Variants in IPO11 observed in about 807,000 individuals in gnomAD.
IPO11 encodes importin-11.
A neutral mutation model predicts 143.2 loss-of-function variants in IPO11; 66 were observed. The observed-to-expected ratio is 0.46, with a 90% confidence interval of 0.38 to 0.57. The LOEUF is 0.57. IPO11 is among the 20% of genes least tolerant of loss of function. IPO11 has a pLI of 0.00. For missense variants in IPO11, 1,026 were observed against 1,141.0 expected (o/e 0.90, Z 1.45); for synonymous variants, 385 against 377.8 (o/e 1.02, Z -0.22).
At chr5:62,563,617 G>A (rs528709943) in intron 27 of IPO11, among the ~76,000 whole-genome samples, 157 of 152,158 alleles carry the variant, frequency 1.0e-3, no homozygotes, top group African/African-American at 3.6e-3. Flanking sequence ...TATATAACAA[G>A]ATATTTTGGG....
intron 26 of IPO11, among the ~76,000 whole-genome samples, chr5:62,556,878 C>T (rs1743593100): frequency 6.6e-6 from 1 of 152,072 alleles, no homozygotes; most frequent in Non-Finnish European, 1.5e-5. Context: ...ACTCCTTCCA[C>T]CCCCAGATTC....
At chr5:62,426,820 T>TTA (rs1554046624) in intron 1 of IPO11, among the ~76,000 whole-genome samples, 2 of 148,998 alleles carry the variant, frequency 1.3e-5, no homozygotes, top group African/African-American at 4.9e-5. Context: ...TTTTATTTTT[T>TTA]TATATATATT....
intron 2 of IPO11, among the ~76,000 whole-genome samples, chr5:62,442,396 C>G (rs1443235679): frequency 6.6e-6 from 1 of 152,118 alleles, no homozygotes; most frequent in Non-Finnish European, 1.5e-5. Flanking sequence ...AATTTTCAAA[C>G]ACACCTTAAA....
At chr5:62,421,365 T>C (rs1743509308) in intron 1 of IPO11, among the ~76,000 whole-genome samples, 1 of 152,248 alleles carries the variant, frequency 6.6e-6, no homozygotes. Flanking sequence ...TCTTCAGTTC[T>C]GATGTAGTAT....
chr5:62,430,870 G>T (rs1396172092), intron 1 of IPO11, among the ~76,000 whole-genome samples: 1 of 149,634 alleles, frequency 6.7e-6, no homozygotes, highest in Non-Finnish European at 1.5e-5. Context: ...TAGAAATGGG[G>T]TTTCACCATG....
chr5:62,413,968 A>G (rs1424308837), intron 1 of IPO11, among the ~76,000 whole-genome samples: 1 of 152,142 alleles, frequency 6.6e-6, no homozygotes, highest in Non-Finnish European at 1.5e-5. Flanking sequence ...TGGGACTGGT[A>G]TTTTCTCTGT....
chr5:62,498,546 G>A (rs1369562872), intron 16 of IPO11, among the ~76,000 whole-genome samples: 2 of 152,166 alleles, frequency 1.3e-5, no homozygotes, highest in Admixed American at 1.3e-4. Flanking sequence ...AGGCTGTAGG[G>A]TTTCTGAACT....
At chr5:62,595,565 C>G (rs1176993528) in intron 28 of IPO11, among the ~76,000 whole-genome samples, 1 of 152,110 alleles carries the variant, frequency 6.6e-6, no homozygotes, top group Non-Finnish European at 1.5e-5. Flanking sequence ...AATGATCCCT[C>G]TTTTTTTAAA....
At chr5:62,418,839 T>G in intron 1 of IPO11, 1 of 646,962 alleles carries the variant, frequency 1.5e-6, no homozygotes, top group Non-Finnish European at 2.5e-6. Context: ...AACCTAGTCC[T>G]TTGTCTCCTT....
chr5:62,526,639 A>C, intron 21 of IPO11: 1 of 175,474 alleles, frequency 5.7e-6, no homozygotes. Flanking sequence ...TTAGCTCCAA[A>C]TGCTAATGCG....
In IPO11 at chr5:62,601,757, A is replaced by G. The variant is rs747795446; in HGVS notation, c.2679-7A>G. ...TTTAAAACATGTTTTTTAAAAAATT[A>G]TTATAGCTGTATGTTGATGTCTCAT... On this transcript the variant is annotated splice_region_variant and splice_polypyrimidine_tract_variant and intron_variant, in intron 28 of 29. Transcript: ENST00000325324. 3 of 1,491,430 alleles carry G rather than the reference A, an allele frequency of 2.0e-6. No homozygotes were observed. The highest frequency in any genetic ancestry group is 2.7e-6 in the Non-Finnish European group (3 of 1,109,762). The allele number at this position is 1,491,430 out of a possible 1,614,324, so 92.4% of individuals were successfully genotyped here. A position where few individuals can be genotyped will look rare whatever the true frequency, so the allele number is the denominator to read the frequency against.
At chr5:62,546,211 A>G (rs950846398) in intron 24 of IPO11, among the ~76,000 whole-genome samples, 14 of 152,324 alleles carry the variant, frequency 9.2e-5, no homozygotes, top group African/African-American at 3.1e-4. Context: ...ATGTCCATCT[A>G]TGATAGACTG....
At chr5:62,513,837 G>A (rs1741890461) in intron 19 of IPO11, among the ~76,000 whole-genome samples, 1 of 149,540 alleles carries the variant, frequency 6.7e-6, no homozygotes. Flanking sequence ...TTCTCAGACG[G>A]GGCGGTTGCC....
At chr5:62,617,894 A>C (rs1209202553) in intron 29 of IPO11, among the ~76,000 whole-genome samples, 1 of 152,100 alleles carries the variant, frequency 6.6e-6, no homozygotes, top group Non-Finnish European at 1.5e-5. Context: ...TCTTCCCCAC[A>C]GCCTTCTGTA....
chr5:62,505,006 A>G, intron 18 of IPO11, 108 bp downstream of exon 18: 1 of 578,506 alleles, frequency 1.7e-6, no homozygotes, highest in African/African-American at 1.9e-5. Flanking sequence ...TTAAAGTTGA[A>G]TTTAAAAGTA....
Position 62,437,378 on chromosome 5 carries a change from G to A in IPO11, c.99G>A (p.Lys33=), listed in dbSNP as rs1744279267. 6.2e-7 allele frequency: 1 copy of A among 1,612,390 alleles called. No homozygotes were observed. Among genetic ancestry groups the A allele is most frequent in the South Asian group, 1.1e-5 (1 of 90,730 alleles). The change falls in exon 2 of 30, where the codon AAG becomes AAA. Residue 33 remains lysine (K), a synonymous_variant. Coordinates refer to ENST00000325324, the MANE Select transcript of IPO11 (RefSeq NM_016338.5). ...AVLKPAEEQL[K]QWETQPGFYS... ...TAAAACCAGCTGAGGAGCAGTTGAA[G>A]CAGTGGGAGACACAGCCAGGTTTCT...
intron 16 of IPO11, among the ~76,000 whole-genome samples, chr5:62,500,287 A>G (rs1741305179): frequency 6.6e-6 from 1 of 152,204 alleles, no homozygotes; most frequent in Non-Finnish European, 1.5e-5. Flanking sequence ...TTTCAAAAAA[A>G]GAAACAACAA....
rs1355911922 is a variant in IPO11 at position 62,424,330 on chromosome 5, G to A, written c.-7+11401G>A. On this transcript the variant is annotated intron_variant, in intron 1 of 29. Transcript: ENST00000325324. ...AATTTTTTGTATTTTTGGTAGAGAC[G>A]GGGTTTCACCATGTTAGCCAAGATG... Among the ~76,000 whole-genome samples, 10 of 151,732 alleles carry A rather than the reference G, an allele frequency of 6.6e-5. No individual in the cohort carries two copies. In the East Asian group the frequency reaches 7.8e-4, roughly 12 times the overall value.
At chr5:62,414,183 T>C (rs1157419286) in intron 1 of IPO11, among the ~76,000 whole-genome samples, 1 of 152,252 alleles carries the variant, frequency 6.6e-6, no homozygotes, top group African/African-American at 2.4e-5. Flanking sequence ...TGATCATTAA[T>C]AGAACAATTT....
Sources: allele counts gnomAD v4.1 joint callset (sites outside exome capture counted in the v4.1 genomes callset), GRCh38; gene constraint gnomAD v4.1.1; transcripts MANE v1.5; gene names NCBI Gene and HGNC (gene_info 2026-07-23, HGNC 2026-07-21).